The following ECPAS variants were observed in gnomAD, a reference collection of about 807,000 sequenced individuals.
ECPAS encodes the protein Ecm29 proteasome adaptor and scaffold, also known as proteasome adapter and scaffold protein ECM29.
A neutral mutation model predicts 255.1 loss-of-function variants in ECPAS; 70 were observed. The ratio of observed to expected loss-of-function variants is 0.27; its 90% CI spans 0.23 to 0.33. The LOEUF is 0.33. Among genes scored for constraint, ECPAS ranks in the 10% least tolerant of loss-of-function variants. The pLI is 1.00. For missense variants in ECPAS, 1,817 were observed against 2,206.4 expected (o/e 0.82, Z 3.54); for synonymous variants, 784 against 775.0 (o/e 1.01, Z -0.19).
rs151186178 is a variant in ECPAS at position 111,402,070 on chromosome 9, T to C, written c.2653-4917A>G. Among the ~76,000 whole-genome samples the C allele has an allele frequency of 3.4e-3, 518 of 152,318 alleles. 3 individuals are homozygous for C. The highest frequency in any genetic ancestry group is 0.012 in the African/African-American group (479 of 41,570). On this transcript the variant is annotated intron_variant, in intron 24 of 49. Coordinates refer to ENST00000684092, the MANE Select transcript of ECPAS (RefSeq NM_001364929.1). The stretch of plus-strand genomic sequence containing the variant: ...GCATAAGAAATTATAAGAGGATTGA[T>C]TGAGGAAGTGATAAATGTCCATGAA...
chr9:111,391,880 T>C, intron 28 of ECPAS, 56 bp from the exon 29 acceptor site: 2 of 1,056,800 alleles, frequency 1.9e-6, no homozygotes, highest in Admixed American at 2.0e-5. Context: ...AACATTCAAC[T>C]AGCCAATACG....
rs957517130 is a variant in ECPAS at position 111,409,986 on chromosome 9, T to C, written c.2550+55A>G. On this transcript the variant is annotated intron_variant, in intron 23 of 49. Transcript: ENST00000684092. ...TCTCATTATAATCTGTTTTTGCTCA[T>C]GTATGCATAGAAAGACCGAATTCCA... 2.2e-5 allele frequency: 28 copies of C among 1,300,964 alleles called. No homozygotes were observed. The East Asian group carries it at 5.3e-4, about 25-fold the overall frequency. The allele number at this position is 1,300,964 out of a possible 1,614,324, so 80.6% of individuals were successfully genotyped here.
chr9:111,449,160 C>T (rs1297986273), intron 3 of ECPAS, among the ~76,000 whole-genome samples: 1 of 151,838 alleles, frequency 6.6e-6, no homozygotes, highest in African/African-American at 2.4e-5. Flanking sequence ...CACATAAGAA[C>T]CATTGCCAGG....
intron 31 of ECPAS, 50 bp downstream of exon 31, chr9:111,389,506 C>A: frequency 1.3e-6 from 2 of 1,551,936 alleles, no homozygotes; most frequent in Admixed American, 1.8e-5. Context: ...TATGCATGAC[C>A]CTGGACAGTC....
chr9:111,444,396 A>T lies in ECPAS; in HGVS notation c.252T>A (p.Ala84=), dbSNP rs766204360. 58 of 1,612,018 alleles carry T rather than the reference A, an allele frequency of 3.6e-5. No individual in the cohort carries two copies. The highest frequency in any genetic ancestry group is 4.8e-5 in the Non-Finnish European group (56 of 1,178,886). ...CACTCACTGTGACAAAGGAAACTGC[A>T]GCAGGGTCCTGGTACTGAACCAACA... ...ETLLVQYQDP[A]AVSFVTNFTI... is the part of the protein sequence containing the mutation. Residue 84 remains alanine (A), a synonymous_variant, in exon 4 of 50, where the codon GCT becomes GCA. Coordinates refer to ENST00000684092, the MANE Select transcript of ECPAS (RefSeq NM_001364929.1).
rs555697000 is a variant in ECPAS, at chr9:111,365,004, GAC to G, written c.5308+1233_5308+1234del. Among the ~76,000 whole-genome samples the G allele has an allele frequency of 3.9e-5, 6 of 152,228 alleles. No individual in the cohort carries two copies. The South Asian group carries it at 1.2e-3, about 32-fold the overall frequency. On this transcript the variant is annotated intron_variant, in intron 48 of 49. Transcript: ENST00000684092. ...AGATTGAAGGAGACTAAAAATATAT[GAC>G]AATAAAATTCAATAAATAATCCTGG...
intron 4 of ECPAS, among the ~76,000 whole-genome samples, chr9:111,443,998 T>C (rs34658195): frequency 0.24 from 35,708 of 148,830 alleles, 4,538 homozygotes; most frequent in East Asian, 0.38. Context: ...CTTGCCATTT[T>C]ACTAATTTTT....
At chr9:111,370,889 A>C in intron 43 of ECPAS, 124 bp from the exon 44 acceptor site, 1 of 866,180 alleles carries the variant, frequency 1.2e-6, no homozygotes. Context: ...AACAACAGTC[A>C]CCTTATCTTT....
chr9:111,445,839 C>T (rs549841540), intron 3 of ECPAS, among the ~76,000 whole-genome samples: 6 of 152,162 alleles, frequency 3.9e-5, no homozygotes, highest in African/African-American at 1.4e-4. Context: ...CCCCACCCCC[C>T]ACAACAGGCC....
chr9:111,452,300 T>G (rs1192311040), intron 2 of ECPAS, among the ~76,000 whole-genome samples: 1 of 152,194 alleles, frequency 6.6e-6, no homozygotes, highest in African/African-American at 2.4e-5. Flanking sequence ...GTCATGGGAA[T>G]TAGGGAGTTT....
intron 5 of ECPAS, among the ~76,000 whole-genome samples, chr9:111,440,946 C>T (rs186444546): frequency 3.6e-4 from 55 of 151,174 alleles, no homozygotes; most frequent in African/African-American, 1.2e-3. Context: ...GGGCAGATGA[C>T]GAGGTCAGGA....
chr9:111,429,820 A>G (rs1056164856), intron 9 of ECPAS, among the ~76,000 whole-genome samples: 1 of 152,250 alleles, frequency 6.6e-6, no homozygotes, highest in Admixed American at 6.5e-5. Context: ...CCTAGGCAAC[A>G]TAGCTAAACC....
intron 36 of ECPAS, among the ~76,000 whole-genome samples, chr9:111,377,726 A>T (rs1359415367): frequency 6.6e-6 from 1 of 152,246 alleles, no homozygotes; most frequent in Non-Finnish European, 1.5e-5. Flanking sequence ...GGCACAGGAA[A>T]CTTTTGACAG....
At chr9:111,449,034 G>C (rs2098256842) in intron 3 of ECPAS, among the ~76,000 whole-genome samples, 1 of 152,076 alleles carries the variant, frequency 6.6e-6, no homozygotes, top group African/African-American at 2.4e-5. Context: ...CTGACCATTT[G>C]TTATTTGACC....
intron 3 of ECPAS, among the ~76,000 whole-genome samples, chr9:111,445,029 T>G (rs942767057): frequency 7.7e-6 from 1 of 129,490 alleles, no homozygotes; most frequent in African/African-American, 3.1e-5. Context: ...GGAGTCTCGC[T>G]CTGTTGCCCA....
intron 45 of ECPAS, among the ~76,000 whole-genome samples, chr9:111,369,980 G>A (rs1430161139): frequency 6.6e-6 from 1 of 152,204 alleles, no homozygotes; most frequent in African/African-American, 2.4e-5. Flanking sequence ...CTCCCATGGA[G>A]GGCAAATGGA....
intron 46 of ECPAS, 130 bp downstream of exon 46, chr9:111,368,905 G>T: frequency 1.1e-6 from 1 of 903,874 alleles, no homozygotes; most frequent in Non-Finnish European, 1.6e-6. Flanking sequence ...AACTTTCACT[G>T]GATAATTCTC....
chr9:111,385,065 A>G (rs2131581120), intron 33 of ECPAS, among the ~76,000 whole-genome samples: 1 of 152,308 alleles, frequency 6.6e-6, no homozygotes, highest in Admixed American at 6.5e-5. Flanking sequence ...ACTATGTCCA[A>G]AACTGTTATT....
chr9:111,383,511 A>G (rs2098143264), intron 34 of ECPAS, among the ~76,000 whole-genome samples, 179 bp from the exon 35 acceptor site: 1 of 152,230 alleles, frequency 6.6e-6, no homozygotes, highest in African/African-American at 2.4e-5. Flanking sequence ...TCTGCCAAGA[A>G]CTAAACAGAA....
Sources: allele counts gnomAD v4.1 joint callset (sites outside exome capture counted in the v4.1 genomes callset), GRCh38; gene constraint gnomAD v4.1.1; transcripts MANE v1.5; gene names NCBI Gene and HGNC (gene_info 2026-07-23, HGNC 2026-07-21).